The following KLF7 variants were observed in gnomAD, a reference collection of about 807,000 sequenced individuals.
KLF7 encodes the protein Krueppel-like factor 7.
Under a neutral mutation model 27.3 loss-of-function variants are expected in KLF7, and 2 were observed. That is an observed-to-expected ratio of 0.07 (90% CI 0.03 to 0.23). The LOEUF (loss-of-function observed/expected upper bound fraction) is 0.23, where lower values mean the gene tolerates loss of function less well. KLF7 is among the 10% of genes least tolerant of loss of function. The pLI, the probability that KLF7 is intolerant of heterozygous loss-of-function variation, is 1.00. For missense variants in KLF7, 221 were observed against 394.1 expected (o/e 0.56, Z 3.72); for synonymous variants, 165 against 162.4 (o/e 1.02, Z -0.12).
chr2:207,137,350 T>C (rs1306018186), intron 1 of KLF7, among the ~76,000 whole-genome samples: 1 of 152,140 alleles, frequency 6.6e-6, no homozygotes, highest in Non-Finnish European at 1.5e-5. Context: ...AGGACTCGTG[T>C]TTTCTGTAAG....
At chr2:207,158,955 T>C (rs1392178310) in intron 1 of KLF7, among the ~76,000 whole-genome samples, 4 of 152,208 alleles carry the variant, frequency 2.6e-5, no homozygotes, top group Non-Finnish European at 5.9e-5. Flanking sequence ...GTTAATAAGC[T>C]GTGTGACCTT....
chr2:207,165,600 ACCCTCC>A lies in KLF7; in HGVS notation c.-38_-33del, dbSNP rs2078683494. Reference sequence around the variant, plus strand: ...GCTGCCGGGCAAAACGGGAGGCGAAACCCTCCCCCGAACACAGTTGGGGCTGTTTGT... The same window carrying A: ...GCTGCCGGGCAAAACGGGAGGCGAAACCCGAACACAGTTGGGGCTGTTTGT... On this transcript the variant is annotated 5_prime_UTR_variant, in exon 1 of 4. Coordinates refer to ENST00000309446, the MANE Select transcript of KLF7 (RefSeq NM_003709.4). 2.5e-6 allele frequency: 4 copies of A among 1,611,742 alleles called. No individual in the cohort carries two copies. The East Asian group carries it at 8.9e-5, about 36-fold the overall frequency.
chr2:207,163,516 TAG>T (rs917086916), intron 1 of KLF7, among the ~76,000 whole-genome samples: 1 of 152,356 alleles, frequency 6.6e-6, no homozygotes, highest in African/African-American at 2.4e-5. Context: ...TTTGCAGATC[TAG>T]AGTTTGTCCT....
chr2:207,156,034 G>A (rs775675547), intron 1 of KLF7, among the ~76,000 whole-genome samples: 2 of 152,196 alleles, frequency 1.3e-5, no homozygotes, highest in Non-Finnish European at 1.5e-5. Flanking sequence ...ATTGCTCCAC[G>A]GCTAATTGCC....
chr2:207,112,213 G>A (rs1421103927), intron 2 of KLF7, among the ~76,000 whole-genome samples: 2 of 146,474 alleles, frequency 1.4e-5, no homozygotes, highest in Admixed American at 6.7e-5. Flanking sequence ...AACAGAGATA[G>A]CAGAAATAAT....
chr2:207,170,122 A>G (rs924883512), upstream of KLF7, among the ~76,000 whole-genome samples: 18 of 152,166 alleles, frequency 1.2e-4, no homozygotes, highest in Admixed American at 1.3e-4. Context: ...AGAAAAAGTT[A>G]TTGAAGGAAA....
chr2:207,114,137 C>T (rs1274234408), intron 2 of KLF7, among the ~76,000 whole-genome samples: 1 of 152,160 alleles, frequency 6.6e-6, no homozygotes, highest in Non-Finnish European at 1.5e-5. Flanking sequence ...TAGGGTGAAT[C>T]CTCTGTGTAC....
rs1240157683 is a variant in KLF7, at chr2:207,078,167, AC to A, written c.*3045del. 6.6e-6 allele frequency: 1 copy of A among 152,254 alleles called. No individual in the cohort carries two copies. The highest frequency in any genetic ancestry group is 6.5e-5 in the Admixed American group (1 of 15,280). The allele number at this position is 152,254 out of a possible 1,614,324, so 9.4% of individuals were successfully genotyped here. ...GACTGGTCATCATTCACAGGTGTCA[AC>A]TCGGCTAAAGAAGAACAGTTTCAAA... On this transcript the variant is annotated 3_prime_UTR_variant, in exon 4 of 4. Transcript: ENST00000309446.
At chr2:207,092,760 C>T (rs115639764) in intron 2 of KLF7, among the ~76,000 whole-genome samples, 7,518 of 152,240 alleles carry the variant, frequency 0.049, 264 homozygotes, top group Middle Eastern at 0.086. Context: ...ACTTTTTGAG[C>T]ATGCATCTAT....
chr2:207,162,619 G>T (rs2078581952), intron 1 of KLF7, among the ~76,000 whole-genome samples: 1 of 152,248 alleles, frequency 6.6e-6, no homozygotes, highest in Non-Finnish European at 1.5e-5. Context: ...GGATCTCCGT[G>T]ACGAGAGGGA....
chr2:207,130,721 TTC>T (rs932138579), intron 1 of KLF7, among the ~76,000 whole-genome samples: 106 of 152,348 alleles, frequency 7.0e-4, no homozygotes, highest in Admixed American at 5.1e-3. Context: ...CAGTTTTTAT[TTC>T]TGTGTCTTTT....
chr2:207,115,968 A>G (rs2077170998), intron 2 of KLF7, among the ~76,000 whole-genome samples: 1 of 152,204 alleles, frequency 6.6e-6, no homozygotes, highest in East Asian at 1.9e-4. Context: ...AAAGTGACAG[A>G]GTACAGGAAG....
At chr2:207,135,770 C>T (rs2077767200) in intron 1 of KLF7, among the ~76,000 whole-genome samples, 1 of 151,976 alleles carries the variant, frequency 6.6e-6, no homozygotes. Flanking sequence ...TCAGTATTTT[C>T]AGATTTAACT....
the KLF7 span, chr2:207,173,512 A>G: frequency 6.6e-6 from 1 of 152,150 alleles, no homozygotes; most frequent in East Asian, 1.9e-4. Flanking sequence ...TACTTTAAAA[A>G]ATGGTCTCGG....
At chr2:207,171,743 AC>A, upstream of KLF7, among the ~76,000 whole-genome samples, 1 of 152,228 alleles carries the variant, frequency 6.6e-6, no homozygotes, top group Non-Finnish European at 1.5e-5. Flanking sequence ...TTTCTTAGAC[AC>A]AATGCTATTG....
upstream of KLF7, among the ~76,000 whole-genome samples, chr2:207,171,616 T>C (rs1237358071): frequency 3.9e-5 from 6 of 152,192 alleles, no homozygotes; most frequent in East Asian, 9.6e-4. Context: ...TCAGCAGCCA[T>C]TGACATTGAG....
Position 207,161,434 on chromosome 2 carries a change from G to A in KLF7, c.102+4033C>T, listed in dbSNP as rs147688349. Among the ~76,000 whole-genome samples the A allele has an allele frequency of 1.6e-4, 25 of 152,286 alleles. No individual in the cohort carries two copies. The East Asian group carries it at 4.6e-3, about 28-fold the overall frequency. On this transcript the variant is annotated intron_variant, in intron 1 of 3. Coordinates refer to ENST00000309446, the MANE Select transcript of KLF7 (RefSeq NM_003709.4). ...ACAAATTTCCCTGGGTGGTGCTGTT[G>A]CCAAGAAATTCTAATTCATGACAAG...
rs1490089439 is a variant in KLF7 at position 207,081,086 on chromosome 2, C to G, written c.*127G>C. 5.7e-6 allele frequency: 4 copies of G among 699,086 alleles called. No homozygotes were observed. Among genetic ancestry groups the G allele is most frequent in the African/African-American group, 5.6e-5 (3 of 53,628 alleles). 43.3% of individuals were successfully genotyped at this position (699,086 alleles called of 1,614,324 possible). On this transcript the variant is annotated 3_prime_UTR_variant, in exon 4 of 4. Transcript: ENST00000309446. ...ATGTGTGTGTGTGTGTGTGTGTGTA[C>G]AGAGGTTTATAAGTGAGAACTTTCT...
intron 1 of KLF7, among the ~76,000 whole-genome samples, chr2:207,150,395 G>A (rs992170226): frequency 6.6e-5 from 10 of 152,152 alleles, no homozygotes; most frequent in Admixed American, 4.6e-4. Context: ...AGCCCCACTG[G>A]AACAAATAAA....
Sources: allele counts gnomAD v4.1 joint callset (sites outside exome capture counted in the v4.1 genomes callset), GRCh38; gene constraint gnomAD v4.1.1; transcripts MANE v1.5; gene names NCBI Gene and HGNC (gene_info 2026-07-23, HGNC 2026-07-21).